The following CHRNA4 variants were observed in gnomAD, a reference collection of about 807,000 sequenced individuals.
CHRNA4 encodes neuronal acetylcholine receptor subunit alpha-4.
Under a neutral mutation model 48.9 loss-of-function variants are expected in CHRNA4, and 28 were observed. The ratio of observed to expected loss-of-function variants is 0.57; its 90% confidence interval spans 0.42 to 0.79. The LOEUF (loss-of-function observed/expected upper bound fraction) is 0.79. Ranked by LOEUF, CHRNA4 falls within the 30% of genes least tolerant of loss-of-function variation. CHRNA4 has a pLI of 0.00. For missense variants in CHRNA4, 859 were observed against 898.4 expected (o/e 0.96, Z 0.56); for synonymous variants, 425 against 402.3 (o/e 1.06, Z -0.68).
intron 2 of CHRNA4, among the ~76,000 whole-genome samples, chr20:63,357,975 G>C (rs1406052667): frequency 1.3e-5 from 2 of 152,244 alleles, no homozygotes; most frequent in Non-Finnish European, 2.9e-5. Flanking sequence ...AGCTCAGGTA[G>C]GCAGCCAGGT....
chr20:63,345,642 C>T lies in CHRNA4; in HGVS notation c.*1096G>A, dbSNP rs937436364. ...GGAAACCCCAGGGCTCCCTGACTCC[C>T]ATGAGGCTTCTCAGGGACTTCCTGC... On this transcript the variant is annotated 3_prime_UTR_variant, in exon 6 of 6. Coordinates refer to ENST00000370263, the MANE Select transcript of CHRNA4 (RefSeq NM_000744.7). This position sits in a 1 kb window ranked among gnomAD's most constrained non-coding sequence, Gnocchi z 5.4. The T allele has an allele frequency of 2.4e-5, 11 of 453,808 alleles. No homozygotes were observed. Among genetic ancestry groups the T allele is most frequent in the Admixed American group, 1.4e-4 (6 of 42,550 alleles). 28.1% of individuals were successfully genotyped at this position (453,808 alleles called of 1,614,324 possible).
intron 2 of CHRNA4, 46 bp from the exon 3 acceptor site, chr20:63,356,461 T>G: frequency 6.4e-7 from 1 of 1,557,224 alleles, no homozygotes; most frequent in Non-Finnish European, 8.7e-7. Flanking sequence ...CTTGGTGTCT[T>G]TCTCTGGCCC....
In CHRNA4 at chr20:63,344,426, CATT is replaced by C. The variant is rs2068452915; in HGVS notation, c.*2309_*2311del. The C allele has an allele frequency of 2.2e-6, 1 of 453,200 alleles. No individual in the cohort carries two copies. Among genetic ancestry groups the C allele is most frequent in the Admixed American group, 2.4e-5 (1 of 42,504 alleles). The allele number at this position is 453,200 out of a possible 1,614,324, so 28.1% of individuals were successfully genotyped here. On this transcript the variant is annotated 3_prime_UTR_variant, in exon 6 of 6. Transcript: ENST00000370263. The surrounding 1 kb of genome is among the most constrained non-coding windows in gnomAD (Gnocchi z 4.5). ...ACAGCACTGGACGCAAATACGCCAA[CATT>C]GTTGTCAAGGTTAATTTGGCGTGGT... is the stretch of plus-strand genomic sequence containing the variant.
In CHRNA4 at chr20:63,346,376, G is replaced by T. The variant is rs201391895; in HGVS notation, c.*362C>A. 16 of 485,424 alleles carry T rather than the reference G, an allele frequency of 3.3e-5. No homozygotes were observed. Among genetic ancestry groups the T allele is most frequent in the Admixed American group, 1.8e-4 (8 of 43,394 alleles). The allele number at this position is 485,424 out of a possible 1,614,324, so 30.1% of individuals were successfully genotyped here. A position where few individuals can be genotyped will look rare whatever the true frequency, so the allele number is the denominator to read the frequency against. ...CTTCAAGGGCCCCTTGGGGCGGTCGGGACCATCACCAGATCTGCTGAGAGA... is the reference window on the plus strand; with the variant it reads ...CTTCAAGGGCCCCTTGGGGCGGTCGTGACCATCACCAGATCTGCTGAGAGA... On this transcript the variant is annotated 3_prime_UTR_variant, in exon 6 of 6. Coordinates refer to ENST00000370263, the MANE Select transcript of CHRNA4 (RefSeq NM_000744.7).
intron 5 of CHRNA4, 115 bp downstream of exon 5, chr20:63,349,538 A>G: frequency 7.3e-7 from 1 of 1,378,618 alleles, no homozygotes; most frequent in South Asian, 1.2e-5. Context: ...CTGCACCCCA[A>G]AGCGAAGCAG....
Position 63,357,085 on chromosome 20 carries a change from G to A in CHRNA4, c.229-670C>T, listed in dbSNP as rs908268067. ...CATCTCCACGGACCACGTCCCCACA[G>A]AACCACATCCCCACAGGACCACATT... On this transcript the variant is annotated intron_variant, in intron 2 of 5. Transcript: ENST00000370263. Among the ~76,000 whole-genome samples, 7 of 142,310 alleles carry A rather than the reference G, an allele frequency of 4.9e-5. No homozygotes were observed. The South Asian group carries it at 1.4e-3, about 29-fold the overall frequency. 93.4% of individuals were successfully genotyped at this position (142,310 alleles called of 152,430 possible).
At chr20:63,354,994 T>C (rs959065703) in intron 4 of CHRNA4, among the ~76,000 whole-genome samples, 2 of 152,126 alleles carry the variant, frequency 1.3e-5, no homozygotes, top group African/African-American at 4.8e-5. Flanking sequence ...AGGAGCCCAA[T>C]CGTTCTTAAT....
At chr20:63,360,630 A>G (rs564633162) in intron 1 of CHRNA4, among the ~76,000 whole-genome samples, 23 of 152,276 alleles carry the variant, frequency 1.5e-4, no homozygotes, top group African/African-American at 5.3e-4. Context: ...CTCCCAGCCC[A>G]GAGTCCCCAC....
At position 63,361,217 on chromosome 20, in the gene CHRNA4, G is replaced by A. The variant is rs1231448774; in HGVS notation, c.-52C>T. 1.4e-6 allele frequency: 2 copies of A among 1,448,604 alleles called. No homozygotes were observed. Among genetic ancestry groups the A allele is most frequent in the African/African-American group, 1.5e-5 (1 of 67,046 alleles). 89.7% of individuals were successfully genotyped at this position (1,448,604 alleles called of 1,614,324 possible). A position where few individuals can be genotyped will look rare whatever the true frequency, so the allele number is the denominator to read the frequency against. On this transcript the variant is annotated 5_prime_UTR_variant, in exon 1 of 6. Transcript: ENST00000370263. The stretch of plus-strand genomic sequence containing the variant: ...TGCGGGCGGCTCCCGGCTCCCCGCC[G>A]CTTCGAGGCCCGTGCGCGCCCAACT...
rs1601474965 is a variant in CHRNA4, at chr20:63,350,398, T to C, written c.1013A>G (p.His338Arg). The C allele has an allele frequency of 6.2e-7, 1 of 1,613,834 alleles. No homozygotes were observed. Among genetic ancestry groups the C allele is most frequent in the East Asian group, 2.2e-5 (1 of 44,878 alleles). Residue 338 changes from histidine (H) to arginine (R), a missense_variant, in exon 5 of 6, where the codon CAC (histidine) becomes CGC (arginine). By Grantham distance (29) the His-to-Arg change is conservative. Coordinates refer to ENST00000370263, the MANE Select transcript of CHRNA4 (RefSeq NM_000744.7). ...LNVHHRSPRT[H>R]TMPTWVRRVF... The stretch of plus-strand genomic sequence containing the variant: ...CCTGCGTACCCAGGTGGGCATGGTG[T>C]GCGTGCGTGGCGAGCGGTGGTGCAC...
chr20:63,359,161 A>C (rs757912531), intron 2 of CHRNA4, among the ~76,000 whole-genome samples: 77 of 152,292 alleles, frequency 5.1e-4, no homozygotes, highest in Non-Finnish European at 9.9e-4. Flanking sequence ...GGGACACCAC[A>C]GTGCCTGCTC....
At chr20:63,359,888 G>A (rs1399620351) in intron 1 of CHRNA4, 189 bp from the exon 2 acceptor site, 15 of 515,252 alleles carry the variant, frequency 2.9e-5, no homozygotes, top group African/African-American at 9.4e-5. Context: ...TGTGTGTGCC[G>A]GGCGTGTGCT....
At chr20:63,347,633 C>G (rs916825363) in intron 5 of CHRNA4, among the ~76,000 whole-genome samples, 1 of 152,230 alleles carries the variant, frequency 6.6e-6, no homozygotes, top group Non-Finnish European at 1.5e-5. Flanking sequence ...GTGTGCAGCC[C>G]AAGGCACTCA....
chr20:63,360,488 G>A lies in CHRNA4; in HGVS notation c.76+602C>T, dbSNP rs376072013. Among the ~76,000 whole-genome samples the A allele has an allele frequency of 2.5e-3, 383 of 152,320 alleles. 2 individuals carry two copies. Among genetic ancestry groups the A allele is most frequent in the African/African-American group, 8.8e-3 (366 of 41,578 alleles). ...ATCTGAGGCATTCCCCGCCTGTCCT[G>A]GGCGCTGCCATAAGGGGCGGGTCTG... On this transcript the variant is annotated intron_variant, in intron 1 of 5. Transcript: ENST00000370263.
Position 63,343,620 on chromosome 20 carries a change from C to T in CHRNA4, c.*3118G>A, listed in dbSNP as rs889361469. ...ACGCTTCCTGAGAGGAGGGCCACGTCGCCCCAGGCCGGGCCACACGGGAAG... is the reference window on the plus strand; with the variant it reads ...ACGCTTCCTGAGAGGAGGGCCACGTTGCCCCAGGCCGGGCCACACGGGAAG... On this transcript the variant is annotated 3_prime_UTR_variant, in exon 6 of 6. Coordinates refer to ENST00000370263, the MANE Select transcript of CHRNA4 (RefSeq NM_000744.7). The T allele has an allele frequency of 1.3e-5, 6 of 453,170 alleles. No individual in the cohort carries two copies. Among genetic ancestry groups the T allele is most frequent in the Non-Finnish European group, 2.2e-5 (5 of 226,180 alleles). The allele number at this position is 453,170 out of a possible 1,614,324, so 28.1% of individuals were successfully genotyped here. A position where few individuals can be genotyped will look rare whatever the true frequency, so the allele number is the denominator to read the frequency against.
chr20:63,359,448 G>A (rs1185420224), intron 2 of CHRNA4, 100 bp downstream of exon 2: 14 of 1,459,840 alleles, frequency 9.6e-6, no homozygotes, highest in Middle Eastern at 1.9e-4. Context: ...TCACAGCCAC[G>A]GGGAGTGTTG....
chr20:63,352,443 C>G (rs1311188028), intron 4 of CHRNA4, among the ~76,000 whole-genome samples: 1 of 152,196 alleles, frequency 6.6e-6, no homozygotes, highest in Non-Finnish European at 1.5e-5. Flanking sequence ...GCTGGGCTGC[C>G]GCTCAGCTGC....
rs369468090 is a variant in CHRNA4, at chr20:63,350,218, G to A, written c.1193C>T (p.Thr398Ile). 3.1e-6 allele frequency: 5 copies of A among 1,606,202 alleles called. No individual in the cohort carries two copies. Among genetic ancestry groups the A allele is most frequent in the Non-Finnish European group, 4.2e-6 (5 of 1,176,580 alleles). The stretch of plus-strand genomic sequence containing the variant: ...CGGTGAGGGCGGGTGCAGGCTCTGG[G>A]TGCCGCTCGTGGCAGGGGGCTCCCC... ...PEGEPPATSG[T>I]QSLHPPSPSF... The change falls in exon 5 of 6, where the codon ACC becomes ATC. Residue 398 changes from threonine (T) to isoleucine (I), a missense_variant. Around this residue, in one of 3 missense-constraint regions of CHRNA4, gnomAD observed 478 missense variants for 455.4 expected, o/e 1.05. Transcript: ENST00000370263.
intron 4 of CHRNA4, among the ~76,000 whole-genome samples, chr20:63,352,325 C>T (rs962270434): frequency 3.3e-5 from 5 of 152,308 alleles, no homozygotes; most frequent in Middle Eastern, 3.4e-3. Flanking sequence ...TTTGTGGAGC[C>T]GCCACTGCTG....
Sources: allele counts gnomAD v4.1 joint callset (sites outside exome capture counted in the v4.1 genomes callset), GRCh38; gene constraint gnomAD v4.1.1; regional missense constraint gnomAD v4.1.1; non-coding constraint Gnocchi (gnomAD v3.1); transcripts MANE v1.5; gene names NCBI Gene and HGNC (gene_info 2026-07-23, HGNC 2026-07-21).